The following VOPP1 variants were observed in gnomAD, a reference collection of about 807,000 sequenced individuals.
VOPP1 encodes VOPP1 WW domain binding protein.
A neutral mutation model predicts 23.5 loss-of-function variants in VOPP1; 8 were observed. The observed-to-expected ratio is 0.34, with a 90% confidence interval of 0.20 to 0.61. VOPP1 has a LOEUF of 0.61. VOPP1 is among the 20% of genes least tolerant of loss of function. The pLI, the probability that VOPP1 is intolerant of heterozygous loss-of-function variation, is 0.78. For missense variants in VOPP1, 174 were observed against 238.1 expected (o/e 0.73, Z 1.77); for synonymous variants, 83 against 97.3 (o/e 0.85, Z 0.86).
intron 2 of VOPP1, among the ~76,000 whole-genome samples, chr7:55,505,683 G>T (rs1426287163): frequency 1.1e-4 from 13 of 123,614 alleles, no homozygotes; most frequent in African/African-American, 4.2e-4. Flanking sequence ...GGGAGGGAGG[G>T]AGGGAGGGAG....
rs375806088 is a variant in VOPP1, at chr7:55,492,429, T to C, written c.192-11A>G. ...ATCATCAGAAGGAACCTGAGGAGAG[T>C]ACAGACGTGAGGGTGGTGCTCCCAG... is the stretch of plus-strand genomic sequence containing the variant. On this transcript the variant is annotated splice_polypyrimidine_tract_variant and intron_variant, in intron 3 of 4. Transcript: ENST00000285279. The C allele has an allele frequency of 5.0e-6, 8 of 1,604,036 alleles. No homozygotes were observed. The Admixed American group carries it at 5.1e-5, about 10-fold the overall frequency.
intron 1 of VOPP1, among the ~76,000 whole-genome samples, chr7:55,564,740 A>G (rs1798109332): frequency 6.6e-6 from 1 of 152,130 alleles, no homozygotes; most frequent in Non-Finnish European, 1.5e-5. Flanking sequence ...GACAATATAA[A>G]TACTCTGTTA....
chr7:55,506,023 T>C (rs1234221397), intron 2 of VOPP1, among the ~76,000 whole-genome samples: 1 of 152,172 alleles, frequency 6.6e-6, no homozygotes. Flanking sequence ...CAAATTAATT[T>C]CAATCGAGCA....
chr7:55,485,183 T>G (rs1231171299), intron 4 of VOPP1, among the ~76,000 whole-genome samples: 1 of 152,224 alleles, frequency 6.6e-6, no homozygotes, highest in Non-Finnish European at 1.5e-5. Flanking sequence ...ATTAAGCTCC[T>G]GGCTTTGTTT....
intron 4 of VOPP1, among the ~76,000 whole-genome samples, chr7:55,475,066 G>C (rs1263575672): frequency 1.3e-5 from 2 of 152,226 alleles, no homozygotes; most frequent in Admixed American, 1.3e-4. Flanking sequence ...ACAGTCCAGG[G>C]TGTGGGTGAA....
chr7:55,569,499 G>A (rs1324211320), intron 1 of VOPP1, among the ~76,000 whole-genome samples: 1 of 152,178 alleles, frequency 6.6e-6, no homozygotes, highest in East Asian at 1.9e-4. Flanking sequence ...GAGCATCGAG[G>A]TGGGGTACAC....
intron 4 of VOPP1, among the ~76,000 whole-genome samples, chr7:55,483,771 CTTTTTT>C (rs528161749): frequency 6.6e-6 from 1 of 151,580 alleles, no homozygotes; most frequent in African/African-American, 2.4e-5. Context: ...TTTCTTTTTT[CTTTTTT>C]TTGAGATGGA....
At chr7:55,520,062 G>A (rs1359001153) in intron 2 of VOPP1, among the ~76,000 whole-genome samples, 2 of 151,926 alleles carry the variant, frequency 1.3e-5, no homozygotes, top group African/African-American at 4.8e-5. Context: ...CAGGAGGCAG[G>A]GACTGCAGTG....
At position 55,540,398 on chromosome 7, in the gene VOPP1, AAAATAAATAAATAAAT is replaced by A. The variant is rs200219554; in HGVS notation, c.55-19284_55-19269del. Among the ~76,000 whole-genome samples, 531 of 141,866 alleles carry A rather than the reference AAAATAAATAAATAAAT, an allele frequency of 3.7e-3. 4 individuals are homozygous for A. The highest frequency in any genetic ancestry group is 0.012 in the African/African-American group (447 of 37,278). 93.1% of individuals were successfully genotyped at this position (141,866 alleles called of 152,430 possible). A position where few individuals can be genotyped will look rare whatever the true frequency, so the allele number is the denominator to read the frequency against. ...GGCGACAGAGTGAGACTCTGTCTCA[AAAATAAATAAATAAAT>A]AAATAAATAAATAAATAAATAAATA... On this transcript the variant is annotated intron_variant, in intron 1 of 4. Transcript: ENST00000285279.
At chr7:55,436,793 G>A (rs968107741) in intron 4 of VOPP1, among the ~76,000 whole-genome samples, 2 of 152,114 alleles carry the variant, frequency 1.3e-5, no homozygotes, top group Non-Finnish European at 2.9e-5. Context: ...ACAGTTTCAG[G>A]CTTATTCAAA....
intron 1 of VOPP1, among the ~76,000 whole-genome samples, chr7:55,565,255 C>T (rs1798126879): frequency 6.6e-6 from 1 of 152,208 alleles, no homozygotes; most frequent in African/African-American, 2.4e-5. Flanking sequence ...CGCGTTTAGA[C>T]ACCCTCCTCC....
chr7:55,555,187 A>C (rs775509110), intron 1 of VOPP1, among the ~76,000 whole-genome samples: 2 of 152,022 alleles, frequency 1.3e-5, no homozygotes, highest in Non-Finnish European at 2.9e-5. Flanking sequence ...TGGAGGGAAA[A>C]GGAGAGATGG....
intron 2 of VOPP1, among the ~76,000 whole-genome samples, chr7:55,516,368 T>C (rs1320865396): frequency 6.6e-6 from 1 of 151,966 alleles, no homozygotes; most frequent in Non-Finnish European, 1.5e-5. Flanking sequence ...AATGGAAAAA[T>C]ATCAAATTAA....
chr7:55,442,025 A>C (rs754238923), intron 4 of VOPP1, among the ~76,000 whole-genome samples: 1 of 152,192 alleles, frequency 6.6e-6, no homozygotes, highest in Non-Finnish European at 1.5e-5. Context: ...AGTGCATTTC[A>C]TTTCTAATGT....
At chr7:55,498,592 TG>T (rs1794147294) in intron 2 of VOPP1, among the ~76,000 whole-genome samples, 1 of 152,144 alleles carries the variant, frequency 6.6e-6, no homozygotes. Context: ...CAAGCAGCAA[TG>T]GATTGGCAGG....
At chr7:55,461,102 G>C (rs1281705958) in intron 4 of VOPP1, among the ~76,000 whole-genome samples, 1 of 152,066 alleles carries the variant, frequency 6.6e-6, no homozygotes, top group Non-Finnish European at 1.5e-5. Flanking sequence ...GATGAGATTG[G>C]AGACTTACTA....
chr7:55,560,974 G>A (rs1430536033), intron 1 of VOPP1, among the ~76,000 whole-genome samples: 1 of 152,136 alleles, frequency 6.6e-6, no homozygotes, highest in African/African-American at 2.4e-5. Flanking sequence ...CAGTCTGGCA[G>A]CCACCCTTCT....
intron 2 of VOPP1, among the ~76,000 whole-genome samples, chr7:55,500,768 T>C (rs549723538): frequency 1.3e-5 from 2 of 152,206 alleles, no homozygotes; most frequent in African/African-American, 4.8e-5. Flanking sequence ...AGTGCCATGT[T>C]TGAAATAAGC....
chr7:55,556,388 T>C (rs996923586), intron 1 of VOPP1, among the ~76,000 whole-genome samples: 4 of 152,168 alleles, frequency 2.6e-5, no homozygotes, highest in Admixed American at 2.6e-4. Context: ...TGAGCCAAAA[T>C]TCTCATCTTC....
Sources: allele counts gnomAD v4.1 joint callset (sites outside exome capture counted in the v4.1 genomes callset), GRCh38; gene constraint gnomAD v4.1.1; transcripts MANE v1.5; gene names NCBI Gene and HGNC (gene_info 2026-07-23, HGNC 2026-07-21).